The following JPT1 variants were observed in gnomAD, a reference collection of about 807,000 sequenced individuals.
JPT1 encodes androgen-regulated protein 2.
Under a neutral mutation model 17.0 loss-of-function variants are expected in JPT1, and 5 were observed. The ratio of observed to expected loss-of-function variants is 0.29; its 90% CI spans 0.15 to 0.62. JPT1 has a LOEUF of 0.62. Among genes scored for constraint, JPT1 ranks in the 20% least tolerant of loss-of-function variants. The probability of loss-of-function intolerance (pLI) is 0.85; values close to 1 mark genes in which losing one functional copy is unlikely to be tolerated. For missense variants in JPT1, 158 were observed against 188.1 expected (o/e 0.84, Z 0.94); for synonymous variants, 71 against 73.6 (o/e 0.96, Z 0.18).
At chr17:75,139,477 A>G (rs76407799) in intron 4 of JPT1, among the ~76,000 whole-genome samples, 4 of 152,142 alleles carry the variant, frequency 2.6e-5, no homozygotes, top group Non-Finnish European at 5.9e-5. Context: ...GAAGAAAAAA[A>G]TAAAAAAGCA....
chr17:75,147,592 G>C lies in JPT1; in HGVS notation c.261C>G (p.Ser87=). The stretch of plus-strand genomic sequence containing the variant: ...AGAAGTCTCCGGAGCTTGCTTCAGA[G>C]GAGTTCCTTCTCTGCAGTCCAGATG... ...LESSGLQRRN[S]SEASSGDFLD... The change falls in exon 3 of 5, where the codon TCC becomes TCG. Residue 87 remains serine, a synonymous_variant. Transcript: ENST00000409753. The C allele has an allele frequency of 6.2e-7, 1 of 1,614,064 alleles. No homozygotes were observed. The highest frequency in any genetic ancestry group is 8.5e-7 in the Non-Finnish European group (1 of 1,179,940).
intron 4 of JPT1, among the ~76,000 whole-genome samples, chr17:75,140,277 TA>T (rs551588100): frequency 0.013 from 1,912 of 146,132 alleles, 32 homozygotes; most frequent in South Asian, 0.085. Flanking sequence ...GAAGATAATT[TA>T]AAAAAAAAAA....
In JPT1 at chr17:75,135,421, A is replaced by G. The variant is rs1270722190; in HGVS notation, c.*681T>C. 6.6e-6 allele frequency: 1 copy of G among 152,374 alleles called. No homozygotes were observed. The highest frequency in any genetic ancestry group is 1.9e-4 in the East Asian group (1 of 5,204). The allele number at this position is 152,374 out of a possible 1,614,324, so 9.4% of individuals were successfully genotyped here. The stretch of plus-strand genomic sequence containing the variant: ...CCGTTCCTGGAGGAAGACCCGCTTC[A>G]GTGTGATTGCCTCCCTTGCTTCACT... On this transcript the variant is annotated 3_prime_UTR_variant, in exon 5 of 5. Transcript: ENST00000409753.
intron 4 of JPT1, among the ~76,000 whole-genome samples, chr17:75,142,269 A>C (rs969464157): frequency 6.6e-6 from 1 of 151,728 alleles, no homozygotes; most frequent in African/African-American, 2.4e-5. Context: ...TATAGAAAGC[A>C]GTAGAACCGG....
In JPT1 at chr17:75,154,492, A is replaced by ACCGCTGCAGGAGCCG. The variant is rs2074606227; in HGVS notation, c.-110_-96dup. 2 of 1,195,486 alleles carry ACCGCTGCAGGAGCCG rather than the reference A, an allele frequency of 1.7e-6. No homozygotes were observed. The highest frequency in any genetic ancestry group is 2.3e-6 in the Non-Finnish European group (2 of 859,136). The allele number at this position is 1,195,486 out of a possible 1,614,324, so 74.1% of individuals were successfully genotyped here. ...GAAACTCCACACCCAACAGCCGACC[A>ACCGCTGCAGGAGCCG]CCGCTGCAGGAGCCGCCGCTGCCGC... On this transcript the variant is annotated 5_prime_UTR_variant, in exon 1 of 5. Coordinates refer to ENST00000409753, the MANE Select transcript of JPT1 (RefSeq NM_016185.4).
At chr17:75,146,488 C>A in intron 4 of JPT1, 178 bp downstream of exon 4, 1 of 513,944 alleles carries the variant, frequency 1.9e-6, no homozygotes, top group Non-Finnish European at 3.5e-6. Context: ...CTGTTTTTTC[C>A]CTTCTATTAT....
chr17:75,153,640 G>C (rs964596597), intron 1 of JPT1: 1 of 152,190 alleles, frequency 6.6e-6, no homozygotes, highest in African/African-American at 2.4e-5. Context: ...TGGGGAGAAG[G>C]GGTCTTTCCT....
At chr17:75,151,786 A>G (rs974134879) in intron 1 of JPT1, among the ~76,000 whole-genome samples, 1 of 152,130 alleles carries the variant, frequency 6.6e-6, no homozygotes, top group Non-Finnish European at 1.5e-5. Flanking sequence ...CTGGACCAAC[A>G]TAGAGAAAAC....
At chr17:75,146,346 G>A (rs942946808) in intron 4 of JPT1, 1 of 241,554 alleles carries the variant, frequency 4.1e-6, no homozygotes, top group Non-Finnish European at 8.0e-6. Flanking sequence ...TAGAGACAGG[G>A]TTTCACCATG....
chr17:75,149,081 T>G, intron 1 of JPT1: 1 of 1,272,312 alleles, frequency 7.9e-7, no homozygotes, highest in Non-Finnish European at 1.0e-6. Context: ...CCAGGCACAG[T>G]GGCACACACC....
intron 1 of JPT1, among the ~76,000 whole-genome samples, chr17:75,149,734 C>G (rs920657448): frequency 1.3e-5 from 2 of 151,994 alleles, no homozygotes; most frequent in Non-Finnish European, 2.9e-5. Flanking sequence ...AACTTGGGCA[C>G]GATCAGTAGC....
chr17:75,145,773 A>G (rs569995000), intron 4 of JPT1: 1 of 152,336 alleles, frequency 6.6e-6, no homozygotes, highest in Non-Finnish European at 1.5e-5. Flanking sequence ...ATAAATAGCT[A>G]CATAAATACA....
chr17:75,136,329 C>CT (rs147209511), intron 4 of JPT1, 79 bp from the exon 5 acceptor site: 79,607 of 1,225,254 alleles, frequency 0.065, 728 homozygotes, highest in South Asian at 0.1. Context: ...TTCTCTTTTT[C>CT]TTTTTTTTTT....
intron 2 of JPT1, chr17:75,148,002 A>G (rs1157988422): frequency 4.1e-6 from 1 of 243,846 alleles, no homozygotes; most frequent in African/African-American, 2.2e-5. Context: ...TGAGACTCTT[A>G]TCTCAAAAAC....
chr17:75,147,423 A>G (rs146487002), intron 3 of JPT1, 133 bp downstream of exon 3: 131 of 619,458 alleles, frequency 2.1e-4, no homozygotes, highest in Admixed American at 2.0e-3. Flanking sequence ...TCAATCTTCC[A>G]TTATCAATAT....
chr17:75,136,997 C>CT (rs2074211305), intron 4 of JPT1, among the ~76,000 whole-genome samples: 1 of 152,122 alleles, frequency 6.6e-6, no homozygotes, highest in Admixed American at 6.5e-5. Flanking sequence ...GTATCAACTT[C>CT]TTTTTTTCAC....
intron 4 of JPT1, among the ~76,000 whole-genome samples, chr17:75,137,324 T>TG (rs1555650443): frequency 3.3e-5 from 5 of 150,428 alleles, no homozygotes; most frequent in Non-Finnish European, 5.9e-5. Context: ...TTTTTAGTTT[T>TG]TTTGTTTGTT....
Position 75,154,495 on chromosome 17 carries a change from G to A in JPT1, c.-98C>T, listed in dbSNP as rs572748498. 22 of 1,125,712 alleles carry A rather than the reference G, an allele frequency of 2.0e-5. No individual in the cohort carries two copies. The highest frequency in any genetic ancestry group is 2.4e-5 in the Non-Finnish European group (19 of 798,764). The allele number at this position is 1,125,712 out of a possible 1,614,324, so 69.7% of individuals were successfully genotyped here. A position where few individuals can be genotyped will look rare whatever the true frequency, so the allele number is the denominator to read the frequency against. Reference sequence around the variant, plus strand: ...ACTCCACACCCAACAGCCGACCACCGCTGCAGGAGCCGCCGCTGCCGCCTG... The same window carrying A: ...ACTCCACACCCAACAGCCGACCACCACTGCAGGAGCCGCCGCTGCCGCCTG... On this transcript the variant is annotated 5_prime_UTR_variant, in exon 1 of 5. Coordinates refer to ENST00000409753, the MANE Select transcript of JPT1 (RefSeq NM_016185.4).
At chr17:75,147,517 G>A in intron 3 of JPT1, 39 bp downstream of exon 3, 2 of 1,370,430 alleles carry the variant, frequency 1.5e-6, no homozygotes, top group African/African-American at 1.4e-5. Flanking sequence ...GAATCATATT[G>A]ACCTGAAAGC....
Sources: allele counts gnomAD v4.1 joint callset (sites outside exome capture counted in the v4.1 genomes callset), GRCh38; gene constraint gnomAD v4.1.1; transcripts MANE v1.5; gene names NCBI Gene and HGNC (gene_info 2026-07-23, HGNC 2026-07-21).